The following CDH4 variants were observed in gnomAD, a reference collection of about 807,000 sequenced individuals.
CDH4 encodes the protein cadherin 4.
A neutral mutation model predicts 86.0 loss-of-function variants in CDH4; 33 were observed. The observed-to-expected ratio is 0.38, with a 90% CI of 0.29 to 0.51. The LOEUF is 0.51. Among genes scored for constraint, CDH4 ranks in the 20% least tolerant of loss-of-function variants. The pLI, the probability that CDH4 is intolerant of heterozygous loss-of-function variation, is 0.86. For synonymous variants in CDH4, 555 were observed against 549.4 expected (o/e 1.01, Z -0.14); for missense variants, 1,114 against 1,307.4 (o/e 0.85, Z 2.28).
intron 2 of CDH4, among the ~76,000 whole-genome samples, chr20:61,568,727 C>G (rs1256063766): frequency 6.6e-6 from 1 of 152,224 alleles, no homozygotes; most frequent in Non-Finnish European, 1.5e-5. Context: ...GGCTCAGACA[C>G]CGCCTTTTAA....
intron 2 of CDH4, among the ~76,000 whole-genome samples, chr20:61,297,229 T>G (rs1600844637): frequency 6.6e-6 from 1 of 151,948 alleles, no homozygotes; most frequent in South Asian, 2.1e-4. Context: ...CTACTAAAAA[T>G]ACAAAAATTG....
intron 2 of CDH4, among the ~76,000 whole-genome samples, chr20:61,272,754 G>T (rs534837434): frequency 6.6e-6 from 1 of 151,502 alleles, no homozygotes. Flanking sequence ...GTTTGGGGGA[G>T]TACCATGCGT....
At chr20:61,313,782 G>T (rs1478839743) in intron 2 of CDH4, among the ~76,000 whole-genome samples, 1 of 152,192 alleles carries the variant, frequency 6.6e-6, no homozygotes, top group African/African-American at 2.4e-5. Flanking sequence ...TGTCACCCAG[G>T]CTGGAGTGCA....
intron 2 of CDH4, among the ~76,000 whole-genome samples, chr20:61,409,764 C>A (rs1600950774): frequency 6.6e-6 from 1 of 152,362 alleles, no homozygotes; most frequent in East Asian, 1.9e-4. Flanking sequence ...CCAATTTGGA[C>A]ATTTTTAAAG....
chr20:61,287,974 C>T (rs112442028), intron 2 of CDH4, among the ~76,000 whole-genome samples: 8 of 152,202 alleles, frequency 5.3e-5, no homozygotes, highest in African/African-American at 1.9e-4. Context: ...GAAATCAGCA[C>T]GAGGGCTATG....
chr20:61,442,532 A>AC (rs906341243), intron 2 of CDH4, among the ~76,000 whole-genome samples: 2 of 152,256 alleles, frequency 1.3e-5, no homozygotes, highest in African/African-American at 4.8e-5. Context: ...AGGCCCACTC[A>AC]GACGGTTCCA....
At chr20:61,638,743 G>A (rs898806214) in intron 2 of CDH4, among the ~76,000 whole-genome samples, 9 of 152,182 alleles carry the variant, frequency 5.9e-5, no homozygotes, top group African/African-American at 2.2e-4. Context: ...TTCGACATCT[G>A]GGTAGATGCA....
chr20:61,566,133 C>T lies in CDH4; in HGVS notation c.170-177430C>T, dbSNP rs1009094102. On this transcript the variant is annotated intron_variant, in intron 2 of 15. Transcript: ENST00000614565. ...GGCATCACTGGGCTGCTCTCGTCCC[C>T]GACAGACTCACCCACTTCTTCCACC... Among the ~76,000 whole-genome samples the T allele has an allele frequency of 8.5e-4, 130 of 152,154 alleles. 2 individuals are homozygous for T. Among genetic ancestry groups the T allele is most frequent in the Admixed American group, 8.1e-3 (124 of 15,282 alleles).
chr20:61,666,912 T>C (rs1600855590), intron 2 of CDH4, among the ~76,000 whole-genome samples: 1 of 151,856 alleles, frequency 6.6e-6, no homozygotes, highest in South Asian at 2.1e-4. Flanking sequence ...AGGGTGGGGG[T>C]GCTGTCTTGA....
intron 2 of CDH4, among the ~76,000 whole-genome samples, chr20:61,382,427 G>C (rs2084908151): frequency 6.6e-6 from 1 of 152,230 alleles, no homozygotes; most frequent in Non-Finnish European, 1.5e-5. Flanking sequence ...CCTGGCATGG[G>C]GGACCCCTGG....
intron 2 of CDH4, among the ~76,000 whole-genome samples, chr20:61,476,305 T>C (rs2085535464): frequency 6.6e-6 from 1 of 152,240 alleles, no homozygotes; most frequent in African/African-American, 2.4e-5. Context: ...CTGTCCTCGG[T>C]AGACGGAAGT....
At chr20:61,409,229 G>A (rs1029979513) in intron 2 of CDH4, among the ~76,000 whole-genome samples, 4 of 152,146 alleles carry the variant, frequency 2.6e-5, no homozygotes, top group South Asian at 2.1e-4. Context: ...CCTCCCCCAC[G>A]TAGTGCCAGC....
intron 2 of CDH4, among the ~76,000 whole-genome samples, chr20:61,658,005 A>G (rs1380815734): frequency 6.6e-6 from 1 of 152,024 alleles, no homozygotes. Context: ...AGCAGAGTGG[A>G]TTAAGGGAAC....
Position 61,490,592 on chromosome 20 carries a change from G to A in CDH4, c.169+235655G>A, listed in dbSNP as rs187587240. On this transcript the variant is annotated intron_variant, in intron 2 of 15. Transcript: ENST00000614565. ...TGGGTGCCTGTAATCCCAGCTACTC[G>A]GGAGGCTGAGGCAGGAGAATCATTT... 9.5e-4 allele frequency among the ~76,000 whole-genome samples: 144 copies of A among 152,160 alleles called. 1 individual carries two copies. Among genetic ancestry groups the A allele is most frequent in the South Asian group, 3.5e-3 (17 of 4,802 alleles).
At chr20:61,929,520 C>A in intron 12 of CDH4, 89 bp from the exon 13 acceptor site, 1 of 921,442 alleles carries the variant, frequency 1.1e-6, no homozygotes. Flanking sequence ...GATTTCCATG[C>A]CATCGGACTT....
At chr20:61,492,349 A>G (rs751295870) in intron 2 of CDH4, among the ~76,000 whole-genome samples, 4 of 146,962 alleles carry the variant, frequency 2.7e-5, no homozygotes, top group Admixed American at 6.7e-5. Context: ...GTTGATGTTG[A>G]TGGTGGTGGT....
chr20:61,474,327 ATTTTTT>A (rs1170158714), intron 2 of CDH4, among the ~76,000 whole-genome samples: 2 of 124,380 alleles, frequency 1.6e-5, no homozygotes. Context: ...CACCCAGCTA[ATTTTTT>A]TTTTTTTTTT....
chr20:61,804,025 C>T (rs953228457), intron 4 of CDH4, among the ~76,000 whole-genome samples: 1 of 152,230 alleles, frequency 6.6e-6, no homozygotes, highest in African/African-American at 2.4e-5. Context: ...TTGCCAAACT[C>T]ACAAATGTTC....
chr20:61,698,419 G>A (rs1020770348), intron 2 of CDH4, among the ~76,000 whole-genome samples: 1 of 152,262 alleles, frequency 6.6e-6, no homozygotes, highest in Non-Finnish European at 1.5e-5. Flanking sequence ...CCGCAGCCCT[G>A]CCGTCCGGGT....
Sources: gnomAD v4.1 joint callset for allele counts (sites outside exome capture counted in the v4.1 genomes callset) on GRCh38, gnomAD v4.1.1 for gene constraint, MANE v1.5 for transcripts, NCBI Gene and HGNC (gene_info 2026-07-23, HGNC 2026-07-21) for gene names.